KLF15: variants seen among roughly 807,000 people sequenced by gnomAD.
The protein encoded by KLF15 is KLF transcription factor 15.
Under a neutral mutation model 24.6 loss-of-function variants are expected in KLF15, and 4 were observed. The ratio of observed to expected loss-of-function variants is 0.16; its 90% CI spans 0.08 to 0.37. The LOEUF is 0.37. Among genes scored for constraint, KLF15 ranks in the 10% least tolerant of loss-of-function variants. The pLI is 1.00. For missense variants in KLF15, 496 were observed against 560.6 expected (o/e 0.88, Z 1.16); for synonymous variants, 246 against 236.3 (o/e 1.04, Z -0.37).
chr3:126,318,683 CTACT>C, the KLF15 span, among the ~76,000 whole-genome samples: 2 of 151,970 alleles, frequency 1.3e-5, no homozygotes, highest in South Asian at 2.1e-4. Context: ...AGACATGGCT[CTACT>C]TACTTATTTT....
At chr3:126,298,902 T>C in the KLF15 span, among the ~76,000 whole-genome samples, 1 of 152,224 alleles carries the variant, frequency 6.6e-6, no homozygotes, top group Admixed American at 6.5e-5. Context: ...GGTAATGTGA[T>C]GCCTCCAGAT....
At chr3:126,347,300 A>T (rs2082542560) in intron 2 of KLF15, among the ~76,000 whole-genome samples, 1 of 152,212 alleles carries the variant, frequency 6.6e-6, no homozygotes, top group Admixed American at 6.5e-5. Context: ...TGCAGTTCAC[A>T]ACCTGCCCAA....
At chr3:126,315,687 G>C in the KLF15 span, among the ~76,000 whole-genome samples, 1 of 152,178 alleles carries the variant, frequency 6.6e-6, no homozygotes, top group Admixed American at 6.5e-5. Flanking sequence ...GGCTCAGAGA[G>C]ACACATTTTG....
chr3:126,332,111 G>T, the KLF15 span, among the ~76,000 whole-genome samples: 1 of 152,230 alleles, frequency 6.6e-6, no homozygotes, highest in Admixed American at 6.5e-5. Flanking sequence ...CGCCACCGCT[G>T]GGGGCAGGGC....
the KLF15 span, among the ~76,000 whole-genome samples, chr3:126,321,605 G>A: frequency 6.6e-6 from 1 of 152,244 alleles, no homozygotes; most frequent in Non-Finnish European, 1.5e-5. Context: ...CCTCTGTGAA[G>A]ATGGACAGAA....
chr3:126,304,555 G>C, the KLF15 span, among the ~76,000 whole-genome samples: 118 of 152,258 alleles, frequency 7.7e-4, 1 homozygote, highest in African/African-American at 2.7e-3. Context: ...CTCTTCTTGT[G>C]TTTCTCTGGG....
At chr3:126,327,803 C>T in the KLF15 span, among the ~76,000 whole-genome samples, 5 of 152,154 alleles carry the variant, frequency 3.3e-5, no homozygotes, top group Admixed American at 2.6e-4. Flanking sequence ...TTTATCTACT[C>T]GATTCTTCAT....
At chr3:126,295,883 G>A in the KLF15 span, among the ~76,000 whole-genome samples, 5 of 152,104 alleles carry the variant, frequency 3.3e-5, no homozygotes, top group Admixed American at 2.6e-4. Context: ...GGATTAGCCA[G>A]GGACCCCCTA....
the KLF15 span, among the ~76,000 whole-genome samples, chr3:126,331,159 C>G: frequency 6.6e-6 from 1 of 152,180 alleles, no homozygotes; most frequent in Non-Finnish European, 1.5e-5. Flanking sequence ...GAGTCACCAG[C>G]CCCCATCATG....
Position 126,356,043 on chromosome 3 carries a change from G to A in KLF15, c.-26+1194C>T, listed in dbSNP as rs1159734735. Among the ~76,000 whole-genome samples the A allele has an allele frequency of 6.6e-6, 1 of 152,190 alleles. No homozygotes were observed. The highest frequency in any genetic ancestry group is 1.5e-5 in the Non-Finnish European group (1 of 68,030). ...CGGACTCCGCCCCCTCCCCTGGCCCGGCCAGGCCTGCTGTTTATCCTCCCG... is the reference window on the plus strand; with the variant it reads ...CGGACTCCGCCCCCTCCCCTGGCCCAGCCAGGCCTGCTGTTTATCCTCCCG... On this transcript the variant is annotated intron_variant, in intron 1 of 2. Transcript: ENST00000296233. This position sits in a 1 kb window ranked among gnomAD's most constrained non-coding sequence, Gnocchi z 4.4.
the KLF15 span, among the ~76,000 whole-genome samples, chr3:126,316,727 G>A: frequency 6.6e-6 from 1 of 151,498 alleles, no homozygotes; most frequent in African/African-American, 2.4e-5. Flanking sequence ...ACGGGCCGGA[G>A]TGGTGAGGGG....
At position 126,343,725 on chromosome 3, in the gene KLF15, T is replaced by C; in HGVS notation, c.*2A>G. Reference sequence around the variant, plus strand: ...ACGGACAGGCTGGGGTTCAGGGCGCTTTCAGTTCACGGAGCGCACGGAGCG... The same window carrying C: ...ACGGACAGGCTGGGGTTCAGGGCGCCTTCAGTTCACGGAGCGCACGGAGCG... On this transcript the variant is annotated 3_prime_UTR_variant, in exon 3 of 3. Coordinates refer to ENST00000296233, the MANE Select transcript of KLF15 (RefSeq NM_014079.4). 1 of 1,609,498 alleles carries C rather than the reference T, an allele frequency of 6.2e-7. No homozygotes were observed. Among genetic ancestry groups the C allele is most frequent in the Non-Finnish European group, 8.5e-7 (1 of 1,178,850 alleles).
At chr3:126,330,704 C>G in the KLF15 span, among the ~76,000 whole-genome samples, 1 of 152,276 alleles carries the variant, frequency 6.6e-6, no homozygotes, top group East Asian at 1.9e-4. Context: ...GAATACAGTG[C>G]TCTTCCCTGT....
At chr3:126,291,951 C>G in the KLF15 span, among the ~76,000 whole-genome samples, 1 of 152,234 alleles carries the variant, frequency 6.6e-6, no homozygotes, top group Non-Finnish European at 1.5e-5. Flanking sequence ...CAAATGCCAT[C>G]CCTTTAATTT....
the KLF15 span, among the ~76,000 whole-genome samples, chr3:126,303,505 T>C: frequency 6.6e-6 from 1 of 152,164 alleles, no homozygotes; most frequent in Non-Finnish European, 1.5e-5. Flanking sequence ...TATGCTGTTA[T>C]CCTTATCTTT....
downstream of KLF15, among the ~76,000 whole-genome samples, chr3:126,341,669 C>T (rs992785794): frequency 2.0e-5 from 3 of 152,110 alleles, no homozygotes; most frequent in Admixed American, 1.3e-4. Context: ...CGGCCTCTGC[C>T]CTCTGAGATG....
the KLF15 span, among the ~76,000 whole-genome samples, chr3:126,318,204 G>C: frequency 0.021 from 3,164 of 152,194 alleles, 102 homozygotes; most frequent in African/African-American, 0.072. Flanking sequence ...TCACTCTGAG[G>C]ACTCACCTCA....
the KLF15 span, among the ~76,000 whole-genome samples, chr3:126,296,467 A>T: frequency 1.3e-5 from 2 of 152,252 alleles, no homozygotes. Flanking sequence ...TTGGCCTCCC[A>T]AAGTGCTGGA....
the KLF15 span, among the ~76,000 whole-genome samples, chr3:126,331,786 C>A: frequency 1.3e-5 from 2 of 152,206 alleles, no homozygotes; most frequent in African/African-American, 2.4e-5. Context: ...CGAAGCAGGG[C>A]GAGGCATTGC....
Sources: gnomAD v4.1 joint callset for allele counts (sites outside exome capture counted in the v4.1 genomes callset) on GRCh38, gnomAD v4.1.1 for gene constraint, Gnocchi (gnomAD v3.1) non-coding constraint, MANE v1.5 for transcripts, NCBI Gene and HGNC (gene_info 2026-07-23, HGNC 2026-07-21) for gene names.